ANAPC10: variants seen among roughly 807,000 people sequenced by gnomAD.
The protein encoded by ANAPC10 is anaphase-promoting complex subunit 10.
In ANAPC10, 12 loss-of-function variants were observed where a neutral mutation model predicts 22.0. That is an observed-to-expected ratio of 0.55 (90% CI 0.35 to 0.88). The LOEUF is 0.88. Among genes scored for constraint, ANAPC10 ranks in the 40% least tolerant of loss-of-function variants. The pLI, the probability that ANAPC10 is intolerant of heterozygous loss-of-function variation, is 0.01. For synonymous variants in ANAPC10, 65 were observed against 69.5 expected, an observed-to-expected ratio of 0.94 and a Z score of 0.32; for missense variants, 188 against 220.9, an observed-to-expected ratio of 0.85 and a Z score of 0.94.
At chr4:145,081,386 C>T (rs1035454682) in intron 3 of ANAPC10, among the ~76,000 whole-genome samples, 1 of 151,748 alleles carries the variant, frequency 6.6e-6, no homozygotes, top group African/African-American at 2.4e-5. Context: ...TGAAAGTACC[C>T]GCAAAAAATA....
At chr4:145,053,741 G>C (rs908040861) in intron 4 of ANAPC10, 1 of 642,062 alleles carries the variant, frequency 1.6e-6, no homozygotes, top group Non-Finnish European at 2.8e-6. Context: ...CCTGAGACTT[G>C]AAGATTCATT....
Position 145,036,420 on chromosome 4 carries a change from G to A in ANAPC10, c.327+28152C>T, listed in dbSNP as rs1473007420. On this transcript the variant is annotated intron_variant, in intron 4 of 4. Coordinates refer to ENST00000507656, the MANE Select transcript of ANAPC10 (RefSeq NM_001256706.2). ...TTCTACAATTTTTTAACAAAAATTG[G>A]CTAACATAGCTAACAGGATTGCTCC... Among the ~76,000 whole-genome samples, 4 of 152,096 alleles carry A rather than the reference G, an allele frequency of 2.6e-5. No individual in the cohort carries two copies. The East Asian group carries it at 7.7e-4, about 29-fold the overall frequency.
chr4:145,035,457 C>G (rs1169638326), intron 4 of ANAPC10: 1 of 152,226 alleles, frequency 6.6e-6, no homozygotes, highest in Non-Finnish European at 1.5e-5. Context: ...TATACATTGT[C>G]ATTATCTACT....
intron 2 of ANAPC10, among the ~76,000 whole-genome samples, chr4:145,090,872 T>A (rs1329357446): frequency 6.6e-6 from 1 of 152,212 alleles, no homozygotes; most frequent in Non-Finnish European, 1.5e-5. Context: ...AAAGATTGTG[T>A]CTTTTTTGTC....
At chr4:145,078,376 C>T (rs1160695091) in intron 3 of ANAPC10, among the ~76,000 whole-genome samples, 3 of 151,596 alleles carry the variant, frequency 2.0e-5, no homozygotes, top group African/African-American at 7.3e-5. Flanking sequence ...TCAGACATGA[C>T]ACAAACAAAT....
At chr4:145,019,813 TG>T (rs1490272657) in intron 4 of ANAPC10, among the ~76,000 whole-genome samples, 3 of 152,144 alleles carry the variant, frequency 2.0e-5, no homozygotes, top group African/African-American at 7.2e-5. Context: ...AATATGTTTA[TG>T]GGCATAAACT....
At chr4:145,091,768 G>A (rs1300684736) in intron 2 of ANAPC10, among the ~76,000 whole-genome samples, 7 of 152,098 alleles carry the variant, frequency 4.6e-5, no homozygotes, top group African/African-American at 1.7e-4. Context: ...TTGAGGACTC[G>A]CCACACTGTC....
intron 4 of ANAPC10, among the ~76,000 whole-genome samples, chr4:145,010,700 G>A (rs1376977965): frequency 1.3e-5 from 2 of 152,052 alleles, no homozygotes; most frequent in Non-Finnish European, 2.9e-5. Flanking sequence ...GGGAGGGATA[G>A]CATTAGGAGA....
intron 3 of ANAPC10, among the ~76,000 whole-genome samples, chr4:145,076,421 G>A (rs533319363): frequency 6.6e-6 from 1 of 152,218 alleles, no homozygotes; most frequent in Admixed American, 6.5e-5. Context: ...TGACATCAAA[G>A]AAGATAAAAG....
intron 2 of ANAPC10, 55 bp downstream of exon 2, chr4:145,095,930 A>T: frequency 6.2e-7 from 1 of 1,612,560 alleles, no homozygotes; most frequent in South Asian, 1.1e-5. Context: ...AGATGCCTGT[A>T]CAAGGAAACT....
intron 4 of ANAPC10, among the ~76,000 whole-genome samples, chr4:145,047,687 T>TAA (rs1209608922): frequency 1.3e-5 from 2 of 152,008 alleles, no homozygotes; most frequent in South Asian, 2.1e-4. Flanking sequence ...ATAAGTTTCT[T>TAA]AAAGTCAGGA....
At position 145,025,552 on chromosome 4, in the gene ANAPC10, C is replaced by A. The variant is rs140413144; in HGVS notation, c.328-29949G>T. ...GAGTAGTCAGAACACACACAGTTAT[C>A]GATTGGGTTTGCCATCTTACATGGG... On this transcript the variant is annotated intron_variant, in intron 4 of 4. Transcript: ENST00000507656. 4.4e-3 allele frequency among the ~76,000 whole-genome samples: 666 copies of A among 152,150 alleles called. 3 individuals carry two copies. Among genetic ancestry groups the A allele is most frequent in the African/African-American group, 0.015 (612 of 41,514 alleles).
At chr4:145,045,081 C>A (rs184288368) in intron 4 of ANAPC10, among the ~76,000 whole-genome samples, 1 of 152,016 alleles carries the variant, frequency 6.6e-6, no homozygotes, top group East Asian at 1.9e-4. Context: ...AGCACTAATA[C>A]TCTCCAAAAG....
intron 3 of ANAPC10, among the ~76,000 whole-genome samples, chr4:145,080,808 G>C (rs1361115121): frequency 6.6e-6 from 1 of 151,166 alleles, no homozygotes; most frequent in African/African-American, 2.4e-5. Flanking sequence ...TCGGAAGGCT[G>C]AGGCAGGAGA....
intron 4 of ANAPC10, among the ~76,000 whole-genome samples, chr4:145,031,342 C>T (rs181525648): frequency 6.6e-6 from 1 of 152,258 alleles, no homozygotes; most frequent in African/African-American, 2.4e-5. Flanking sequence ...GGAAATAAAT[C>T]CAACTAAAAT....
chr4:145,007,452 A>G (rs532895422), intron 4 of ANAPC10, among the ~76,000 whole-genome samples: 7 of 151,112 alleles, frequency 4.6e-5, no homozygotes, highest in South Asian at 2.1e-4. Context: ...TCAGACCACA[A>G]TGCAATCAAA....
chr4:145,079,225 C>A (rs1056977620), intron 3 of ANAPC10, among the ~76,000 whole-genome samples: 6 of 152,066 alleles, frequency 3.9e-5, no homozygotes, highest in African/African-American at 1.4e-4. Flanking sequence ...AGGACATGAA[C>A]GGACATTCCT....
intron 4 of ANAPC10, among the ~76,000 whole-genome samples, chr4:145,041,076 T>G (rs116664220): frequency 0.03 from 4,626 of 152,306 alleles, 94 homozygotes; most frequent in Middle Eastern, 0.075. Context: ...ACACTTTGCT[T>G]GTAGGATCTA....
At chr4:145,017,735 T>G (rs1438841309) in intron 4 of ANAPC10, among the ~76,000 whole-genome samples, 1 of 151,970 alleles carries the variant, frequency 6.6e-6, no homozygotes, top group African/African-American at 2.4e-5. Context: ...TGTCCAATGA[T>G]AGACTGGATT....
Sources: allele counts gnomAD v4.1 joint callset (sites outside exome capture counted in the v4.1 genomes callset), GRCh38; gene constraint gnomAD v4.1.1; transcripts MANE v1.5; gene names NCBI Gene and HGNC (gene_info 2026-07-23, HGNC 2026-07-21).